The following BCAS3 variants were observed in gnomAD, a reference collection of about 807,000 sequenced individuals.
The protein encoded by BCAS3 is BCAS4/BCAS3 fusion.
Under a neutral mutation model 116.1 loss-of-function variants are expected in BCAS3, and 53 were observed. That is an observed-to-expected ratio of 0.46 (90% confidence interval 0.37 to 0.57). BCAS3 has a LOEUF of 0.57. Among genes scored for constraint, BCAS3 ranks in the 20% least tolerant of loss-of-function variants. The pLI, the probability that BCAS3 is intolerant of heterozygous loss-of-function variation, is 0.00. For missense variants in BCAS3, 917 were observed against 1,165.4 expected, an observed-to-expected ratio of 0.79 and a Z score of 3.10; for synonymous variants, 391 against 408.2, an observed-to-expected ratio of 0.96 and a Z score of 0.51.
At position 61,324,158 on chromosome 17, in the gene BCAS3, A is replaced by T. The variant is rs1007672332; in HGVS notation, c.2426-44169A>T. Among the ~76,000 whole-genome samples, 4 of 152,092 alleles carry T rather than the reference A, an allele frequency of 2.6e-5. No homozygotes were observed. Among genetic ancestry groups the T allele is most frequent in the African/African-American group, 9.7e-5 (4 of 41,416 alleles). On this transcript the variant is annotated intron_variant, in intron 22 of 23. Coordinates refer to ENST00000407086, the MANE Select transcript of BCAS3 (RefSeq NM_017679.5). The surrounding 1 kb of genome is among the most constrained non-coding windows in gnomAD (Gnocchi z 4.6). ...GCTGCAAACTCCTCCAGAGGCAGGG[A>T]CCCCATCCTTCTGATTCTCTGTATC... is the stretch of plus-strand genomic sequence containing the variant.
rs1234064768 is a variant in BCAS3 at position 61,064,442 on chromosome 17, G to A, written c.2030-10478G>A. On this transcript the variant is annotated intron_variant, in intron 19 of 23. Transcript: ENST00000407086. ...ATGAGATATTTAGGGCCACTAAGAAGTAAAACTAAATTGTGAGCCCAGCCA... is the reference window on the plus strand; with the variant it reads ...ATGAGATATTTAGGGCCACTAAGAAATAAAACTAAATTGTGAGCCCAGCCA... 2.6e-5 allele frequency among the ~76,000 whole-genome samples: 4 copies of A among 152,296 alleles called. No individual in the cohort carries two copies. In the East Asian group the frequency reaches 5.8e-4, roughly 22 times the overall value.
In BCAS3 at chr17:61,078,385, A is replaced by T. The variant is rs1390768977; in HGVS notation, c.2183A>T (p.Gln728Leu). ...CATAGACGTCTGTGGATGGGTCCAC[A>T]GTTCCAGTTCAAAACCATCCATCCC... Reference protein sequence around the residue: ...GPHRRLWMGPQFQFKTIHPSG... With the variant: ...GPHRRLWMGPLFQFKTIHPSG... Residue 728 changes from glutamine to leucine, a missense_variant, in exon 21 of 24, where the codon CAG (glutamine) becomes CTG (leucine). Physicochemically the swap from Gln to Leu is moderately radical, Grantham distance 113. This residue lies in a region of BCAS3 where 807 missense variants were observed against 1,026.0 expected (regional missense o/e 0.79). Coordinates refer to ENST00000407086, the MANE Select transcript of BCAS3 (RefSeq NM_017679.5). 3 of 1,614,054 alleles carry T rather than the reference A, an allele frequency of 1.9e-6. No individual in the cohort carries two copies. In the African/African-American group the frequency reaches 4.0e-5, roughly 22 times the overall value.
At chr17:61,304,520 T>C (rs2053681193) in intron 22 of BCAS3, among the ~76,000 whole-genome samples, 1 of 152,160 alleles carries the variant, frequency 6.6e-6, no homozygotes, top group Admixed American at 6.6e-5. Flanking sequence ...TTCATACTCA[T>C]TGAGACTCAG....
intron 15 of BCAS3, among the ~76,000 whole-genome samples, chr17:60,992,580 G>A (rs959310265): frequency 2.6e-5 from 4 of 152,106 alleles, no homozygotes; most frequent in East Asian, 1.9e-4. Context: ...TGGGTACTAC[G>A]CTCACTACGT....
chr17:61,209,788 C>A (rs189951974), intron 22 of BCAS3, among the ~76,000 whole-genome samples: 18 of 152,288 alleles, frequency 1.2e-4, no homozygotes, highest in Admixed American at 7.2e-4. Context: ...TCATTTCCTG[C>A]CAGCATTTTA....
intron 19 of BCAS3, among the ~76,000 whole-genome samples, chr17:61,048,580 T>A (rs1179789608): frequency 6.6e-6 from 1 of 152,010 alleles, no homozygotes; most frequent in East Asian, 1.9e-4. Flanking sequence ...ACAGCCACAC[T>A]GTTTCATTTT....
Position 61,007,239 on chromosome 17 carries a change from C to G in BCAS3, c.1487-8512C>G, listed in dbSNP as rs1055729307. ...CATTGTTTCTAACTGTTGATTTCAT[C>G]TCCTTTTCTAGGGAATTTTTGCCTC... is the stretch of plus-strand genomic sequence containing the variant. On this transcript the variant is annotated intron_variant, in intron 15 of 23. Transcript: ENST00000407086. This position sits in a 1 kb window ranked among gnomAD's most constrained non-coding sequence, Gnocchi z 4.3. Among the ~76,000 whole-genome samples, 1 of 151,944 alleles carries G rather than the reference C, an allele frequency of 6.6e-6. No individual in the cohort carries two copies. The highest frequency in any genetic ancestry group is 2.4e-5 in the African/African-American group (1 of 41,392).
At chr17:60,718,103 C>T (rs1006841245) in intron 5 of BCAS3, among the ~76,000 whole-genome samples, 1 of 152,286 alleles carries the variant, frequency 6.6e-6, no homozygotes, top group Non-Finnish European at 1.5e-5. Flanking sequence ...CAGTAATGTG[C>T]GCGATGGAGA....
intron 19 of BCAS3, among the ~76,000 whole-genome samples, chr17:61,054,527 T>A (rs2069183987): frequency 6.6e-6 from 1 of 152,098 alleles, no homozygotes; most frequent in Non-Finnish European, 1.5e-5. Flanking sequence ...CCACCATGCC[T>A]GGCTAGTTTT....
chr17:61,371,213 C>A (rs959362452), intron 23 of BCAS3, among the ~76,000 whole-genome samples: 1 of 152,362 alleles, frequency 6.6e-6, no homozygotes, highest in Non-Finnish European at 1.5e-5. Context: ...CTCACTGTTA[C>A]ATAGGTGTAG....
chr17:61,168,439 T>C (rs1034939299), intron 22 of BCAS3, among the ~76,000 whole-genome samples: 1 of 152,356 alleles, frequency 6.6e-6, no homozygotes, highest in East Asian at 1.9e-4. Context: ...TGAAAGCTAA[T>C]TTATTTTTAA....
At chr17:61,067,736 A>ATATATAT (rs1285770723) in intron 19 of BCAS3, among the ~76,000 whole-genome samples, 7 of 131,974 alleles carry the variant, frequency 5.3e-5, no homozygotes, top group African/African-American at 2.8e-4. Flanking sequence ...CAAAAAAAAA[A>ATATATAT]AAAAATATAT....
At chr17:61,234,263 T>G (rs779684345) in intron 22 of BCAS3, among the ~76,000 whole-genome samples, 1 of 152,144 alleles carries the variant, frequency 6.6e-6, no homozygotes, top group Non-Finnish European at 1.5e-5. Flanking sequence ...CAGCTCTCTC[T>G]TCTTCCTTCC....
chr17:60,693,470 C>T (rs536872523), intron 4 of BCAS3, among the ~76,000 whole-genome samples: 1 of 151,060 alleles, frequency 6.6e-6, no homozygotes, highest in African/African-American at 2.4e-5. Context: ...GTGCAGTGGC[C>T]TGAACTTGAA....
chr17:60,923,477 C>T (rs2059210435), intron 12 of BCAS3, among the ~76,000 whole-genome samples: 1 of 152,112 alleles, frequency 6.6e-6, no homozygotes, highest in African/African-American at 2.4e-5. Flanking sequence ...GCAGGAATAA[C>T]ATTTGGTTTA....
At chr17:60,923,795 T>C (rs2059224824) in intron 12 of BCAS3, among the ~76,000 whole-genome samples, 1 of 152,192 alleles carries the variant, frequency 6.6e-6, no homozygotes. Flanking sequence ...CCATTTGAGA[T>C]ACAGAGGTAC....
chr17:61,192,327 G>A lies in BCAS3; in HGVS notation c.2425+107763G>A, dbSNP rs906771185. On this transcript the variant is annotated intron_variant, in intron 22 of 23. Transcript: ENST00000407086. ...GAGTTCCAAAATAATATGATAGGGA[G>A]AAGCAATGTTCACATAATAACTACC... 5.1e-4 allele frequency among the ~76,000 whole-genome samples: 75 copies of A among 146,012 alleles called. 1 individual carries two copies. The Admixed American group carries it at 5.2e-3, about 10-fold the overall frequency.
rs950123164 is a variant in BCAS3, at chr17:61,007,807, A to G, written c.1487-7944A>G. On this transcript the variant is annotated intron_variant, in intron 15 of 23. Coordinates refer to ENST00000407086, the MANE Select transcript of BCAS3 (RefSeq NM_017679.5). The surrounding 1 kb of genome is among the most constrained non-coding windows in gnomAD (Gnocchi z 4.3). ...TCTCACCCTTTCTCAAAGTACCTAC[A>G]GTAATGTCTATGGTGACGTGAACTT... 5.3e-5 allele frequency among the ~76,000 whole-genome samples: 8 copies of G among 152,098 alleles called. No individual in the cohort carries two copies. Among genetic ancestry groups the G allele is most frequent in the Non-Finnish European group, 1.0e-4 (7 of 68,002 alleles).
intron 6 of BCAS3, among the ~76,000 whole-genome samples, chr17:60,774,969 C>T (rs1484251622): frequency 6.6e-6 from 1 of 152,148 alleles, no homozygotes; most frequent in Non-Finnish European, 1.5e-5. Flanking sequence ...TGCAGAGGTT[C>T]AGCATTTTGC....
Sources: gnomAD v4.1 joint callset for allele counts (sites outside exome capture counted in the v4.1 genomes callset) on GRCh38, gnomAD v4.1.1 for gene constraint, gnomAD v4.1.1 regional missense constraint, Gnocchi (gnomAD v3.1) non-coding constraint, MANE v1.5 for transcripts, NCBI Gene and HGNC (gene_info 2026-07-23, HGNC 2026-07-21) for gene names.